GRIK4: variants seen among roughly 807,000 people sequenced by gnomAD.
The protein encoded by GRIK4 is glutamate ionotropic receptor kainate type subunit 4.
A neutral mutation model predicts 104.9 loss-of-function variants in GRIK4; 40 were observed. That is an observed-to-expected ratio of 0.38 (90% CI 0.30 to 0.50). The LOEUF (loss-of-function observed/expected upper bound fraction) is 0.50, where lower values mean the gene tolerates loss of function less well. Among genes scored for constraint, GRIK4 ranks in the 20% least tolerant of loss-of-function variants. The pLI is 0.93. For missense variants in GRIK4, 1,047 were observed against 1,308.1 expected, an observed-to-expected ratio of 0.80 and a Z score of 3.08; for synonymous variants, 485 against 524.9, an observed-to-expected ratio of 0.92 and a Z score of 1.04.
intron 3 of GRIK4, among the ~76,000 whole-genome samples, chr11:120,729,256 C>T (rs1285872864): frequency 6.6e-6 from 1 of 152,120 alleles, no homozygotes; most frequent in Non-Finnish European, 1.5e-5. Context: ...ACACTGATTT[C>T]CTTTCTTTTG....
intron 3 of GRIK4, among the ~76,000 whole-genome samples, chr11:120,718,785 C>T (rs541604072): frequency 3.2e-4 from 49 of 152,352 alleles, no homozygotes; most frequent in Admixed American, 7.8e-4. Flanking sequence ...AACCTTGGTC[C>T]TGCCTTGACT....
At chr11:120,567,838 A>G (rs907496023) in intron 1 of GRIK4, among the ~76,000 whole-genome samples, 1 of 152,190 alleles carries the variant, frequency 6.6e-6, no homozygotes. Flanking sequence ...CCCTTCTCCA[A>G]GGCAGGTACA....
intron 3 of GRIK4, among the ~76,000 whole-genome samples, chr11:120,756,857 A>G (rs1951663160): frequency 6.6e-6 from 1 of 152,166 alleles, no homozygotes; most frequent in South Asian, 2.1e-4. Context: ...TGGATAACTC[A>G]TCTCTCTTTC....
intron 11 of GRIK4, among the ~76,000 whole-genome samples, chr11:120,897,601 C>CAAAAAAAAAAAAAAAAAAAA: frequency 0.011 from 149 of 13,056 alleles, 36 homozygotes; most frequent in Non-Finnish European, 0.015. Context: ...GACTCCTTCT[C>CAAAAAAAAAAAAAAAAAAAA]AAAAAAAAAA....
At chr11:120,800,740 C>T (rs1952606647) in intron 3 of GRIK4, among the ~76,000 whole-genome samples, 1 of 152,096 alleles carries the variant, frequency 6.6e-6, no homozygotes, top group African/African-American at 2.4e-5. Flanking sequence ...ATTCTGTGTC[C>T]TGATTTTGGG....
intron 2 of GRIK4, among the ~76,000 whole-genome samples, chr11:120,654,604 C>G (rs1158967464): frequency 6.6e-6 from 1 of 152,170 alleles, no homozygotes; most frequent in Non-Finnish European, 1.5e-5. Flanking sequence ...CTCACGTGAT[C>G]TGCCCGCCTT....
chr11:120,539,322 C>A (rs1472838078), intron 1 of GRIK4, among the ~76,000 whole-genome samples: 1 of 152,178 alleles, frequency 6.6e-6, no homozygotes, highest in Non-Finnish European at 1.5e-5. Context: ...AATCCCAGGG[C>A]AGACCCCCGA....
At chr11:120,870,300 G>A (rs1212962255) in intron 9 of GRIK4, 4 of 152,260 alleles carry the variant, frequency 2.6e-5, no homozygotes, top group Non-Finnish European at 4.4e-5. Flanking sequence ...AGGGGAGAAT[G>A]GGTGCTAGGT....
chr11:120,753,270 G>C (rs1430185121), intron 3 of GRIK4, among the ~76,000 whole-genome samples: 1 of 151,844 alleles, frequency 6.6e-6, no homozygotes, highest in East Asian at 1.9e-4. Flanking sequence ...GCCTGGGCCA[G>C]CAGTTGAGCA....
At chr11:120,526,869 T>C (rs557316300) in intron 1 of GRIK4, among the ~76,000 whole-genome samples, 1 of 152,120 alleles carries the variant, frequency 6.6e-6, no homozygotes, top group African/African-American at 2.4e-5. Flanking sequence ...AAAAAAAAAG[T>C]TCGTTTTTAA....
intron 3 of GRIK4, among the ~76,000 whole-genome samples, chr11:120,766,505 G>A (rs748945958): frequency 1.3e-4 from 20 of 152,180 alleles, no homozygotes; most frequent in Non-Finnish European, 2.4e-4. Flanking sequence ...GGGTATGAAA[G>A]AAACTCCTGC....
chr11:120,521,726 G>C lies in GRIK4; in HGVS notation c.-159+9839G>C, dbSNP rs147456180. 3.2e-3 allele frequency among the ~76,000 whole-genome samples: 493 copies of C among 152,274 alleles called. 1 individual carries two copies. The highest frequency in any genetic ancestry group is 0.012 in the African/African-American group (478 of 41,542). Reference sequence around the variant, plus strand: ...GCAGCACTTGTCAGGTAATGAGAACGCCTGTTGTATTGCTGGGAAAACTGA... The same window carrying C: ...GCAGCACTTGTCAGGTAATGAGAACCCCTGTTGTATTGCTGGGAAAACTGA... On this transcript the variant is annotated intron_variant, in intron 1 of 20. Coordinates refer to ENST00000527524, the MANE Select transcript of GRIK4 (RefSeq NM_014619.5).
In GRIK4 at chr11:120,875,227, G is replaced by A; in HGVS notation, c.1148G>A (p.Arg383Lys). 6.2e-7 allele frequency: 1 copy of A among 1,611,720 alleles called. No homozygotes were observed. Among genetic ancestry groups the A allele is most frequent in the Non-Finnish European group, 8.5e-7 (1 of 1,177,786 alleles). ...NYALKILQFT[R>K]NGFRQIGQWH... ...GCTTTGAAAATCTTACAGTTCACAA[G>A]GAATGGTTTTCGGCAGGTAAGCCTA... Residue 383 changes from arginine to lysine, a missense_variant, in exon 11 of 21, where the codon AGG becomes AAG. Around this residue, in one of 3 missense-constraint regions of GRIK4, gnomAD observed 447 missense variants for 514.9 expected, o/e 0.87. Coordinates refer to ENST00000527524, the MANE Select transcript of GRIK4 (RefSeq NM_014619.5).
chr11:120,527,087 C>T (rs923521482), intron 1 of GRIK4, among the ~76,000 whole-genome samples: 7 of 152,222 alleles, frequency 4.6e-5, no homozygotes, highest in South Asian at 2.1e-4. Context: ...ACAGCCAGCC[C>T]GTGGCAGAGG....
At chr11:120,609,493 C>G (rs1949004731) in intron 1 of GRIK4, among the ~76,000 whole-genome samples, 1 of 144,678 alleles carries the variant, frequency 6.9e-6, no homozygotes. Flanking sequence ...TCTGCTTTCC[C>G]TTTTCCCCCA....
At chr11:120,794,722 T>A (rs1000158651) in intron 3 of GRIK4, among the ~76,000 whole-genome samples, 4 of 152,018 alleles carry the variant, frequency 2.6e-5, no homozygotes, top group African/African-American at 9.7e-5. Context: ...GGAATTTTGG[T>A]TGTTTAAGCC....
chr11:120,984,041 T>G (rs917932398), intron 20 of GRIK4, among the ~76,000 whole-genome samples: 17 of 152,220 alleles, frequency 1.1e-4, no homozygotes, highest in African/African-American at 4.1e-4. Flanking sequence ...TCGGGAAAAC[T>G]AATGTAGGCC....
At position 120,967,247 on chromosome 11, in the gene GRIK4, C is replaced by T; in HGVS notation, c.2319C>T (p.Asn773=). 6.2e-7 allele frequency: 1 copy of T among 1,613,798 alleles called. No homozygotes were observed. The highest frequency in any genetic ancestry group is 8.5e-7 in the Non-Finnish European group (1 of 1,179,798). Residue 773 remains asparagine, a synonymous_variant, in exon 19 of 21, where the codon AAC becomes AAT. Coordinates refer to ENST00000527524, the MANE Select transcript of GRIK4 (RefSeq NM_014619.5). The surrounding 1 kb of genome is among the most constrained non-coding windows in gnomAD (Gnocchi z 4.2). ...FDLAILQLQE[N]NRLEILKRKW... The stretch of plus-strand genomic sequence containing the variant: ...TGGCCATTCTCCAGCTGCAGGAGAA[C>T]AACCGCCTGGAGATCCTGAAGCGCA...
chr11:120,870,383 A>G (rs1220605109), intron 9 of GRIK4: 2 of 152,242 alleles, frequency 1.3e-5, no homozygotes, highest in Non-Finnish European at 1.5e-5. Flanking sequence ...TCCAGGAGGC[A>G]AACTGGGTGA....
Sources: allele counts gnomAD v4.1 joint callset (sites outside exome capture counted in the v4.1 genomes callset), GRCh38; gene constraint gnomAD v4.1.1; regional missense constraint gnomAD v4.1.1; non-coding constraint Gnocchi (gnomAD v3.1); transcripts MANE v1.5; gene names NCBI Gene and HGNC (gene_info 2026-07-23, HGNC 2026-07-21).